The following MAP4K1 variants were observed in gnomAD, a reference collection of about 807,000 sequenced individuals.
The protein encoded by MAP4K1 is MAPK/ERK kinase kinase kinase 1.
In MAP4K1, 35 loss-of-function variants were observed where a neutral mutation model predicts 122.8. The observed-to-expected ratio is 0.29, with a 90% CI of 0.22 to 0.38. The LOEUF is 0.38. Among genes scored for constraint, MAP4K1 ranks in the 10% least tolerant of loss-of-function variants. The probability of loss-of-function intolerance (pLI) is 1.00; values close to 1 mark genes in which losing one functional copy is unlikely to be tolerated. For missense variants in MAP4K1, 791 were observed against 1,072.6 expected (o/e 0.74, Z 3.67); for synonymous variants, 412 against 421.3 (o/e 0.98, Z 0.27).
intron 11 of MAP4K1, 138 bp from the exon 12 acceptor site, chr19:38,610,163 G>A (rs1017935072): frequency 1.9e-5 from 12 of 621,350 alleles, no homozygotes; most frequent in Non-Finnish European, 2.9e-5. Context: ...AGTGAAGGCA[G>A]AGGGCGGGGA....
In MAP4K1 at chr19:38,590,429, ATATATAT is replaced by A. The variant is rs1568619063; in HGVS notation, c.2397-2619_2397-2613del. 9.7e-5 allele frequency among the ~76,000 whole-genome samples: 12 copies of A among 123,396 alleles called. 1 individual carries two copies. Among genetic ancestry groups the A allele is most frequent in the African/African-American group, 3.2e-4 (10 of 31,008 alleles). 81.0% of individuals were successfully genotyped at this position (123,396 alleles called of 152,430 possible). A position where few individuals can be genotyped will look rare whatever the true frequency, so the allele number is the denominator to read the frequency against. ...TATATATATATATATATATATATATATATATATAATCACGGGCGTCACTAGGACAACG... is the reference window on the plus strand; with the variant it reads ...TATATATATATATATATATATATATAAATCACGGGCGTCACTAGGACAACG... On this transcript the variant is annotated intron_variant, in intron 30 of 30. Transcript: ENST00000396857.
At chr19:38,602,653 C>CAT (rs200166915) in intron 19 of MAP4K1, among the ~76,000 whole-genome samples, 31,236 of 142,296 alleles carry the variant, frequency 0.22, 4,383 homozygotes, top group East Asian at 0.39. Flanking sequence ...TACATATATA[C>CAT]ATATATACAC....
At chr19:38,614,673 C>G (rs563914562) in intron 4 of MAP4K1, 26 of 573,110 alleles carry the variant, frequency 4.5e-5, no homozygotes, top group African/African-American at 4.3e-4. Context: ...ATAATCCCAG[C>G]ACTTTGGGAG....
intron 26 of MAP4K1, 118 bp from the exon 27 acceptor site, chr19:38,596,119 AAACCCCGCCCACC>A: frequency 1.5e-6 from 2 of 1,332,704 alleles, no homozygotes; most frequent in East Asian, 4.6e-5. Flanking sequence ...CAAGTGGGCT[AAACCCCGCCCACC>A]ATCCCGGTCC....
chr19:38,590,427 AT>A lies in MAP4K1; in HGVS notation c.2397-2611del, dbSNP rs1568619037. Among the ~76,000 whole-genome samples the A allele has an allele frequency of 9.1e-5, 11 of 121,126 alleles. 1 individual carries two copies. Among genetic ancestry groups the A allele is most frequent in the African/African-American group, 3.0e-4 (9 of 30,386 alleles). 79.5% of individuals were successfully genotyped at this position (121,126 alleles called of 152,430 possible). Reference sequence around the variant, plus strand: ...TATATATATATATATATATATATATATATATATATAATCACGGGCGTCACTA... The same window carrying A: ...TATATATATATATATATATATATATAATATATATAATCACGGGCGTCACTA... On this transcript the variant is annotated intron_variant, in intron 30 of 30. Coordinates refer to ENST00000396857, the MANE Select transcript of MAP4K1 (RefSeq NM_001042600.3).
At chr19:38,592,910 T>C (rs1270014574) in intron 30 of MAP4K1, among the ~76,000 whole-genome samples, 2 of 148,038 alleles carry the variant, frequency 1.4e-5, no homozygotes, top group African/African-American at 2.6e-5. Flanking sequence ...AAAGCAAAAC[T>C]CCATCTCAAT....
intron 19 of MAP4K1, among the ~76,000 whole-genome samples, chr19:38,602,766 A>G (rs1367663384): frequency 2.7e-5 from 4 of 145,520 alleles, no homozygotes; most frequent in African/African-American, 8.0e-5. Flanking sequence ...ATATACGCAT[A>G]TACATATATA....
chr19:38,591,767 T>A (rs1485313278), intron 30 of MAP4K1, among the ~76,000 whole-genome samples: 1 of 151,646 alleles, frequency 6.6e-6, no homozygotes. Flanking sequence ...GATCAGGGGT[T>A]CAAGAGCAGC....
At chr19:38,611,352 C>T (rs762101083) in intron 9 of MAP4K1, 47 bp from the exon 10 acceptor site, 4 of 1,329,080 alleles carry the variant, frequency 3.0e-6, no homozygotes, top group Non-Finnish European at 4.3e-6. Flanking sequence ...TCAAGGGGGC[C>T]AGACCTCATG....
intron 30 of MAP4K1, among the ~76,000 whole-genome samples, chr19:38,590,748 G>GC (rs1384988968): frequency 2.6e-5 from 4 of 151,712 alleles, no homozygotes; most frequent in Non-Finnish European, 5.9e-5. Flanking sequence ...GTGCTGGGAT[G>GC]ACAGGCGTGA....
chr19:38,600,068 G>T lies in MAP4K1; in HGVS notation c.1608+9C>A. 6.2e-7 allele frequency: 1 copy of T among 1,614,156 alleles called. No homozygotes were observed. Among genetic ancestry groups the T allele is most frequent in the Non-Finnish European group, 8.5e-7 (1 of 1,180,022 alleles). ...CTTGCCCTTGCCCTGGCCCGGTATG[G>T]TTCCTCACCATTTCCAGCGTGGCCT... On this transcript the variant is annotated intron_variant, in intron 21 of 30. Transcript: ENST00000396857.
chr19:38,590,545 C>G lies in MAP4K1; in HGVS notation c.2397-2728G>C, dbSNP rs568073823. Among the ~76,000 whole-genome samples, 186 of 150,678 alleles carry G rather than the reference C, an allele frequency of 1.2e-3. 1 individual carries two copies. The highest frequency in any genetic ancestry group is 6.8e-3 in the Middle Eastern group (2 of 292). Reference sequence around the variant, plus strand: ...CCAGGCTGGAGTGCAGTGGCGTAATCTCGGCTCACTGCAACCTCCACCTCT... The same window carrying G: ...CCAGGCTGGAGTGCAGTGGCGTAATGTCGGCTCACTGCAACCTCCACCTCT... On this transcript the variant is annotated intron_variant, in intron 30 of 30. Transcript: ENST00000396857.
intron 17 of MAP4K1, 44 bp downstream of exon 17, chr19:38,606,129 T>G: frequency 4.0e-6 from 6 of 1,505,330 alleles, no homozygotes; most frequent in Non-Finnish European, 4.5e-6. Flanking sequence ...TGGCCCCCAG[T>G]GGCCCTGAGG....
At chr19:38,596,560 G>A in intron 25 of MAP4K1, 74 bp from the exon 26 acceptor site, 1 of 1,269,072 alleles carries the variant, frequency 7.9e-7, no homozygotes, top group Non-Finnish European at 1.1e-6. Context: ...GCTTGTAGCT[G>A]GCCTGGGACT....
chr19:38,588,546 C>T (rs1974599144), intron 30 of MAP4K1, among the ~76,000 whole-genome samples: 1 of 151,770 alleles, frequency 6.6e-6, no homozygotes, highest in Admixed American at 6.6e-5. Flanking sequence ...AAAAATTATC[C>T]AGGTCCATCC....
In MAP4K1 at chr19:38,605,672, A is replaced by G; in HGVS notation, c.1259T>C (p.Leu420Pro). Residue 420 changes from leucine (L) to proline (P), a missense_variant, in exon 18 of 31, where the codon CTG becomes CCG. By Grantham distance (98) the Leu-to-Pro change is moderately conservative (BLOSUM62 -3). Around this residue, in one of 4 missense-constraint regions of MAP4K1, gnomAD observed 303 missense variants for 344.8 expected, o/e 0.88. Transcript: ENST00000396857. ...ACACCGGACCAGCACCCCCGGGCTC[A>G]GCTGCCCATCATCCCCCATGCTCCC... ...GPGSMGDDGQLSPGVLVRCAS... is the reference protein window; with the variant it reads ...GPGSMGDDGQPSPGVLVRCAS... 6.2e-7 allele frequency: 1 copy of G among 1,606,358 alleles called. No homozygotes were observed. The highest frequency in any genetic ancestry group is 8.5e-7 in the Non-Finnish European group (1 of 1,178,214).
chr19:38,590,726 C>T (rs1303506006), intron 30 of MAP4K1, among the ~76,000 whole-genome samples: 1 of 151,790 alleles, frequency 6.6e-6, no homozygotes, highest in African/African-American at 2.4e-5. Context: ...CTGCCCACTT[C>T]AGCCTCCCAA....
Position 38,596,185 on chromosome 19 carries a change from C to A in MAP4K1, c.2116+127G>T, listed in dbSNP as rs117038553. 943 of 1,364,456 alleles carry A rather than the reference C, an allele frequency of 6.9e-4. 8 individuals are homozygous for A. The African/African-American group carries it at 0.012, about 18-fold the overall frequency. 84.5% of individuals were successfully genotyped at this position (1,364,456 alleles called of 1,614,324 possible). ...CCCCAGTTAACTAAAACCTGCCATT[C>A]TCCCTTCTCCGCCCTTCCAGCCCTT... is the stretch of plus-strand genomic sequence containing the variant. On this transcript the variant is annotated intron_variant, in intron 26 of 30. Transcript: ENST00000396857.
intron 19 of MAP4K1, among the ~76,000 whole-genome samples, chr19:38,602,927 TA>T (rs1159860604): frequency 1.0e-4 from 15 of 147,942 alleles, no homozygotes; most frequent in South Asian, 8.8e-4. Context: ...CATATACGCA[TA>T]TACATATATA....
Sources: allele counts gnomAD v4.1 joint callset (sites outside exome capture counted in the v4.1 genomes callset), GRCh38; gene constraint gnomAD v4.1.1; regional missense constraint gnomAD v4.1.1; transcripts MANE v1.5; gene names NCBI Gene and HGNC (gene_info 2026-07-23, HGNC 2026-07-21).